The following PDE7B variants were observed in gnomAD, a reference collection of about 807,000 sequenced individuals.
The protein encoded by PDE7B is phosphodiesterase 7B, also known as 3',5'-cyclic-AMP phosphodiesterase 7B.
In PDE7B, 29 loss-of-function variants were observed where a neutral mutation model predicts 56.2. The ratio of observed to expected loss-of-function variants is 0.52; its 90% CI spans 0.38 to 0.70. PDE7B has a LOEUF of 0.70. Ranked by LOEUF, PDE7B falls within the 30% of genes least tolerant of loss-of-function variation. PDE7B has a pLI of 0.00. For missense variants in PDE7B, 490 were observed against 565.0 expected (o/e 0.87, Z 1.35); for synonymous variants, 197 against 196.9 (o/e 1.00, Z 0.00).
intron 2 of PDE7B, among the ~76,000 whole-genome samples, chr6:136,015,992 A>G (rs1417704960): frequency 2.0e-5 from 3 of 152,168 alleles, no homozygotes; most frequent in African/African-American, 4.8e-5. Context: ...TTTTCACTTC[A>G]TTATTTTAAC....
rs1411048483 is a variant in PDE7B at position 136,151,265 on chromosome 6, T to C, written c.478+10T>C. 7.3e-7 allele frequency: 1 copy of C among 1,364,406 alleles called. No homozygotes were observed. Among genetic ancestry groups the C allele is most frequent in the South Asian group, 1.2e-5 (1 of 85,974 alleles). 84.5% of individuals were successfully genotyped at this position (1,364,406 alleles called of 1,614,324 possible). On this transcript the variant is annotated intron_variant, in intron 6 of 12. Transcript: ENST00000308191. ...TTACACCGATTTTTAGGTAAGTCCT[T>C]TTTTTCACATTTCTAGCCCCATTCT... is the stretch of plus-strand genomic sequence containing the variant.
intron 1 of PDE7B, among the ~76,000 whole-genome samples, chr6:135,897,171 C>A (rs1775917043): frequency 6.6e-6 from 1 of 152,098 alleles, no homozygotes; most frequent in African/African-American, 2.4e-5. Context: ...TCTCCAAAAC[C>A]AGGCACAATG....
rs116456121 is a variant in PDE7B, at chr6:136,028,950, C to T, written c.83-79781C>T. Among the ~76,000 whole-genome samples the T allele has an allele frequency of 9.9e-3, 1,505 of 152,254 alleles. 28 individuals are homozygous for T. The highest frequency in any genetic ancestry group is 0.033 in the African/African-American group (1,380 of 41,522). On this transcript the variant is annotated intron_variant, in intron 2 of 12. Transcript: ENST00000308191. ...AGATGCATCTGACATGTTTGTGCAA[C>T]AATATGACTTCCACAGAAATTTTGC... is the stretch of plus-strand genomic sequence containing the variant.
At chr6:135,893,314 C>G in intron 1 of PDE7B, among the ~76,000 whole-genome samples, 1 of 147,372 alleles carries the variant, frequency 6.8e-6, no homozygotes, top group Middle Eastern at 3.7e-3. Flanking sequence ...TGAGAACATG[C>G]GGTGTTTGTT....
At chr6:136,036,735 A>G (rs1245076701) in intron 2 of PDE7B, among the ~76,000 whole-genome samples, 2 of 152,220 alleles carry the variant, frequency 1.3e-5, no homozygotes, top group Admixed American at 1.3e-4. Flanking sequence ...CAGAAGCAAC[A>G]GATTATACAC....
chr6:135,977,093 G>A (rs896588374), intron 2 of PDE7B, among the ~76,000 whole-genome samples: 3 of 152,094 alleles, frequency 2.0e-5, no homozygotes, highest in Non-Finnish European at 4.4e-5. Context: ...GACCAGCCAA[G>A]CAGAAGCATT....
At chr6:136,078,151 G>A (rs556519672) in intron 2 of PDE7B, among the ~76,000 whole-genome samples, 12 of 152,304 alleles carry the variant, frequency 7.9e-5, no homozygotes, top group African/African-American at 2.9e-4. Flanking sequence ...GAAATACTGG[G>A]CAAAGAGTTG....
At chr6:135,924,965 G>A (rs1242930129) in intron 1 of PDE7B, among the ~76,000 whole-genome samples, 2 of 148,622 alleles carry the variant, frequency 1.3e-5, no homozygotes, top group Non-Finnish European at 3.0e-5. Context: ...TTATATCAAC[G>A]TCAGCACACA....
chr6:136,060,580 A>C (rs1776821074), intron 2 of PDE7B, among the ~76,000 whole-genome samples: 1 of 152,192 alleles, frequency 6.6e-6, no homozygotes, highest in South Asian at 2.1e-4. Context: ...TACAAAAATC[A>C]TTTATTTAGA....
At chr6:135,998,859 A>T (rs1775615248) in intron 2 of PDE7B, among the ~76,000 whole-genome samples, 1 of 152,186 alleles carries the variant, frequency 6.6e-6, no homozygotes. Context: ...TAAATAGTGA[A>T]AGAAAGAAAA....
chr6:136,037,541 G>GC (rs1234606219), intron 2 of PDE7B: 1 of 985,396 alleles, frequency 1.0e-6, no homozygotes, highest in Middle Eastern at 5.2e-4. Flanking sequence ...TGGGCAAGGT[G>GC]CCCCCCAACC....
At chr6:136,007,376 TG>T (rs1319737624) in intron 2 of PDE7B, among the ~76,000 whole-genome samples, 3 of 152,140 alleles carry the variant, frequency 2.0e-5, no homozygotes, top group Non-Finnish European at 4.4e-5. Context: ...TTTCTTTTTT[TG>T]TTGTGCCTTT....
At chr6:135,972,950 T>C (rs1775118897) in intron 2 of PDE7B, among the ~76,000 whole-genome samples, 1 of 152,208 alleles carries the variant, frequency 6.6e-6, no homozygotes, top group African/African-American at 2.4e-5. Context: ...TTGTAACATA[T>C]TCTATTTTAA....
rs1418100208 is a variant in PDE7B, at chr6:136,193,884, AGT to A, written c.*2048_*2049del. The stretch of plus-strand genomic sequence containing the variant: ...GAGATTATCAGATGGTGCTAAAGAA[AGT>A]GTGAAGATCTTATGAAATAGGTGGA... On this transcript the variant is annotated 3_prime_UTR_variant, in exon 13 of 13. Coordinates refer to ENST00000308191, the MANE Select transcript of PDE7B (RefSeq NM_018945.4). The A allele has an allele frequency of 6.6e-6, 1 of 152,226 alleles. No homozygotes were observed. The highest frequency in any genetic ancestry group is 2.4e-5 in the African/African-American group (1 of 41,464). 9.4% of individuals were successfully genotyped at this position (152,226 alleles called of 1,614,324 possible). A position where few individuals can be genotyped will look rare whatever the true frequency, so the allele number is the denominator to read the frequency against.
chr6:136,002,242 A>C (rs1327046303), intron 2 of PDE7B, among the ~76,000 whole-genome samples: 1 of 152,208 alleles, frequency 6.6e-6, no homozygotes, highest in Non-Finnish European at 1.5e-5. Flanking sequence ...GCCACTGCAA[A>C]ATCAAGCCAA....
chr6:135,984,971 C>A (rs1285636677), intron 2 of PDE7B, among the ~76,000 whole-genome samples: 1 of 152,026 alleles, frequency 6.6e-6, no homozygotes, highest in Non-Finnish European at 1.5e-5. Context: ...CAAGCAAAGG[C>A]TACATGGGAG....
intron 1 of PDE7B, among the ~76,000 whole-genome samples, chr6:135,880,352 CATCCA>C (rs1399503806): frequency 6.6e-5 from 10 of 152,144 alleles, no homozygotes; most frequent in Non-Finnish European, 1.5e-5. Flanking sequence ...TGAGTTTATT[CATCCA>C]ACAAACACTT....
intron 2 of PDE7B, chr6:136,037,377 A>G: frequency 2.1e-6 from 2 of 974,216 alleles, no homozygotes; most frequent in Non-Finnish European, 2.4e-6. Context: ...AGGGCAGCTG[A>G]GGTTATGAAG....
intron 2 of PDE7B, among the ~76,000 whole-genome samples, chr6:136,047,788 T>G (rs1208311603): frequency 6.6e-6 from 1 of 152,216 alleles, no homozygotes; most frequent in African/African-American, 2.4e-5. Flanking sequence ...ATTTCTAGTT[T>G]TCTTTACTCA....
Sources: gnomAD v4.1 joint callset for allele counts (sites outside exome capture counted in the v4.1 genomes callset) on GRCh38, gnomAD v4.1.1 for gene constraint, MANE v1.5 for transcripts, NCBI Gene and HGNC (gene_info 2026-07-23, HGNC 2026-07-21) for gene names.